The following SHANK2 variants were observed in gnomAD, a reference collection of about 807,000 sequenced individuals.
SHANK2 encodes the protein SH3 and multiple ankyrin repeat domains 2.
SHANK2 carries 43 observed loss-of-function variants against 133.7 expected under a neutral mutation model. The observed-to-expected ratio is 0.32, with a 90% CI of 0.25 to 0.41. The LOEUF (loss-of-function observed/expected upper bound fraction) is 0.41, where lower values mean the gene tolerates loss of function less well. SHANK2 is among the 10% of genes least tolerant of loss of function. SHANK2 has a pLI of 1.00. For missense variants in SHANK2, 1,994 were observed against 2,235.8 expected, an observed-to-expected ratio of 0.89 and a Z score of 2.18; for synonymous variants, 1,017 against 952.8, an observed-to-expected ratio of 1.07 and a Z score of -1.24.
chr11:70,841,275 A>G (rs1948899659), intron 11 of SHANK2, among the ~76,000 whole-genome samples: 1 of 152,154 alleles, frequency 6.6e-6, no homozygotes, highest in African/African-American at 2.4e-5. Context: ...CGTCTTAAAA[A>G]AAATAGCAAT....
At chr11:70,689,203 A>G (rs1324189087) in intron 15 of SHANK2, among the ~76,000 whole-genome samples, 1 of 152,230 alleles carries the variant, frequency 6.6e-6, no homozygotes, top group Non-Finnish European at 1.5e-5. Flanking sequence ...TAACAGTGTG[A>G]TTGACAAAAT....
chr11:70,711,921 C>T (rs560358340), intron 14 of SHANK2, among the ~76,000 whole-genome samples: 53 of 152,156 alleles, frequency 3.5e-4, no homozygotes, highest in African/African-American at 1.2e-3. Flanking sequence ...ACACGGACCT[C>T]GTGGGGATGG....
In SHANK2 at chr11:70,681,697, T is replaced by C. The variant is rs553744616; in HGVS notation, c.1853+16991A>G. ...CCCAGATTACTCACAGCAACCCTCC[T>C]GCCCATGCCTTTTGGTTTGGGAGGC... On this transcript the variant is annotated intron_variant, in intron 15 of 25. Coordinates refer to ENST00000601538, the MANE Select transcript of SHANK2 (RefSeq NM_012309.5). Among the ~76,000 whole-genome samples the C allele has an allele frequency of 7.7e-4, 117 of 152,200 alleles. 2 individuals are homozygous for C. Among genetic ancestry groups the C allele is most frequent in the Non-Finnish European group, 1.2e-3 (83 of 68,002 alleles).
chr11:71,208,512 C>G (rs1485071188), intron 2 of SHANK2, among the ~76,000 whole-genome samples: 1 of 152,122 alleles, frequency 6.6e-6, no homozygotes, highest in Non-Finnish European at 1.5e-5. Flanking sequence ...CCCAAGTGTT[C>G]CTCCCCACCC....
intron 11 of SHANK2, among the ~76,000 whole-genome samples, chr11:70,831,438 C>T (rs1948723618): frequency 6.6e-6 from 1 of 152,162 alleles, no homozygotes; most frequent in South Asian, 2.1e-4. Flanking sequence ...CTCCACTCAG[C>T]CCAGTTCCAG....
At chr11:70,875,747 TG>T in intron 11 of SHANK2, among the ~76,000 whole-genome samples, 1 of 150,054 alleles carries the variant, frequency 6.7e-6, no homozygotes, top group Non-Finnish European at 1.5e-5. Context: ...CCCAGCTACT[TG>T]GGGGGCTGAA....
At chr11:70,701,706 A>G (rs531763833) in intron 14 of SHANK2, among the ~76,000 whole-genome samples, 86 of 152,146 alleles carry the variant, frequency 5.7e-4, no homozygotes, top group Non-Finnish European at 1.1e-3. Context: ...ACCCGGCCAG[A>G]AAAAGAAGCC....
intron 2 of SHANK2, among the ~76,000 whole-genome samples, chr11:71,169,522 G>A (rs370287722): frequency 1.8e-4 from 28 of 152,244 alleles, no homozygotes; most frequent in African/African-American, 4.8e-4. Context: ...AGGCCGAGGC[G>A]GGTGAATCAC....
intron 10 of SHANK2, among the ~76,000 whole-genome samples, chr11:70,932,104 C>T (rs192790290): frequency 4.6e-4 from 70 of 152,230 alleles, no homozygotes; most frequent in African/African-American, 1.3e-3. Flanking sequence ...CAAGCTGAAA[C>T]TGTGATGTTC....
At chr11:71,181,858 G>T (rs1282179088) in intron 2 of SHANK2, among the ~76,000 whole-genome samples, 2 of 133,960 alleles carry the variant, frequency 1.5e-5, no homozygotes, top group East Asian at 5.2e-4. Context: ...TACTGAATCC[G>T]AATCTCCAGG....
rs1254976011 is a variant in SHANK2, at chr11:71,092,589, T to C, written c.745A>G (p.Thr249Ala). Reference sequence around the variant, plus strand: ...GGGGATGCACCAAGCTCTAAAAGGGTCTAGGAAAAAAAAATTGAAAGCCGT... The same window carrying C: ...GGGGATGCACCAAGCTCTAAAAGGGCCTAGGAAAAAAAAATTGAAAGCCGT... Reference protein sequence around the residue: ...ARARNQVALKTLLELGASPDY... With the variant: ...ARARNQVALKALLELGASPDY... The change falls in exon 8 of 26, where the codon ACC becomes GCC. Residue 249 changes from threonine (T) to alanine (A), a missense_variant and splice_region_variant. Transcript: ENST00000601538. 1 of 1,549,166 alleles carries C rather than the reference T, an allele frequency of 6.5e-7. No homozygotes were observed. Among genetic ancestry groups the C allele is most frequent in the Non-Finnish European group, 8.7e-7 (1 of 1,145,412 alleles).
intron 15 of SHANK2, among the ~76,000 whole-genome samples, chr11:70,675,431 A>C (rs943289718): frequency 3.9e-5 from 6 of 152,178 alleles, no homozygotes; most frequent in Non-Finnish European, 7.3e-5. Flanking sequence ...AGTGATTTGC[A>C]CCAGAACACA....
At chr11:70,610,572 T>C (rs186637144) in intron 17 of SHANK2, among the ~76,000 whole-genome samples, 1 of 152,318 alleles carries the variant, frequency 6.6e-6, no homozygotes, top group East Asian at 1.9e-4. Context: ...CCAAGGATGA[T>C]GGTTTTCCAA....
At position 70,820,585 on chromosome 11, in the gene SHANK2, G is replaced by A. The variant is rs1478945396; in HGVS notation, c.1272C>T (p.Asn424=). 2.8e-6 allele frequency: 2 copies of A among 716,642 alleles called. No individual in the cohort carries two copies. The highest frequency in any genetic ancestry group is 3.5e-5 in the African/African-American group (2 of 57,262). The allele number at this position is 716,642 out of a possible 1,614,324, so 44.4% of individuals were successfully genotyped here. A position where few individuals can be genotyped will look rare whatever the true frequency, so the allele number is the denominator to read the frequency against. ...PRVLLRSNSD[N]NLNASAPDWA... ...AGTCGGGAGCGCTGGCATTGAGGTTGTTGTCACTGTTGGAGCGCAGCAGGA... is the reference window on the plus strand; with the variant it reads ...AGTCGGGAGCGCTGGCATTGAGGTTATTGTCACTGTTGGAGCGCAGCAGGA... The change falls in exon 12 of 26, where the codon AAC becomes AAT. Residue 424 remains asparagine (N), a synonymous_variant. Transcript: ENST00000601538.
chr11:70,906,863 C>T (rs143111701), intron 10 of SHANK2, among the ~76,000 whole-genome samples: 147 of 152,318 alleles, frequency 9.7e-4, no homozygotes, highest in African/African-American at 3.3e-3. Context: ...CTCTGCCCAT[C>T]CCCAGGCTAA....
At chr11:70,938,228 T>C (rs1317470060) in intron 10 of SHANK2, among the ~76,000 whole-genome samples, 2 of 152,094 alleles carry the variant, frequency 1.3e-5, no homozygotes, top group Non-Finnish European at 2.9e-5. Context: ...CCAGCATCAC[T>C]GTATGTGTGG....
At chr11:71,101,718 T>G (rs1555096658) in intron 6 of SHANK2, among the ~76,000 whole-genome samples, 3 of 152,232 alleles carry the variant, frequency 2.0e-5, no homozygotes, top group Non-Finnish European at 4.4e-5. Flanking sequence ...AAGCCCCTTC[T>G]GCTCTTCAAG....
intron 2 of SHANK2, among the ~76,000 whole-genome samples, chr11:71,209,380 G>A (rs1420362915): frequency 1.3e-5 from 2 of 152,190 alleles, no homozygotes; most frequent in African/African-American, 4.8e-5. Context: ...GAAAACCCAC[G>A]TGCAGGGCTG....
At chr11:71,164,555 T>C (rs1453742311) in intron 2 of SHANK2, among the ~76,000 whole-genome samples, 5 of 152,158 alleles carry the variant, frequency 3.3e-5, no homozygotes, top group Non-Finnish European at 2.9e-5. Context: ...TTCTAAACTA[T>C]GGGTTACCAG....
Sources: gnomAD v4.1 joint callset for allele counts (sites outside exome capture counted in the v4.1 genomes callset) on GRCh38, gnomAD v4.1.1 for gene constraint, MANE v1.5 for transcripts, NCBI Gene and HGNC (gene_info 2026-07-23, HGNC 2026-07-21) for gene names.